Variants in UBE2D2 observed in about 807,000 individuals in gnomAD.
The protein encoded by UBE2D2 is ubiquitin conjugating enzyme E2 D2.
UBE2D2 carries 2 observed loss-of-function variants against 24.2 expected under a neutral mutation model. That is an observed-to-expected ratio of 0.08 (90% confidence interval 0.03 to 0.26). The LOEUF is 0.26. Among genes scored for constraint, UBE2D2 ranks in the 10% least tolerant of loss-of-function variants. The pLI is 1.00. For missense variants in UBE2D2, 44 were observed against 177.6 expected (o/e 0.25, Z 4.28); for synonymous variants, 58 against 56.5 (o/e 1.03, Z -0.12).
chr5:139,574,968 A>C (rs571447367), intron 1 of UBE2D2, among the ~76,000 whole-genome samples: 1 of 152,290 alleles, frequency 6.6e-6, no homozygotes, highest in Non-Finnish European at 1.5e-5. Flanking sequence ...TATTCACAGT[A>C]CCCGATACTT....
At chr5:139,550,969 T>C (rs138534080) in intron 1 of UBE2D2, among the ~76,000 whole-genome samples, 66 of 152,228 alleles carry the variant, frequency 4.3e-4, no homozygotes, top group Admixed American at 9.2e-4. Context: ...CACAGTATCA[T>C]TGTACTACAC....
chr5:139,555,736 G>A (rs1581488155), intron 1 of UBE2D2, among the ~76,000 whole-genome samples: 1 of 151,814 alleles, frequency 6.6e-6, no homozygotes. Context: ...AGATCATCCT[G>A]GCCAACATGG....
upstream of UBE2D2, among the ~76,000 whole-genome samples, chr5:139,558,407 C>G (rs1395778744): frequency 6.6e-6 from 1 of 152,180 alleles, no homozygotes; most frequent in African/African-American, 2.4e-5. Context: ...CCTGCCTCAG[C>G]CTCCTGAGTA....
Position 139,626,803 on chromosome 5 carries a change from T to TA in UBE2D2, c.*5dup. The TA allele has an allele frequency of 1.2e-6, 2 of 1,612,026 alleles. No homozygotes were observed. Among genetic ancestry groups the TA allele is most frequent in the Non-Finnish European group, 1.7e-6 (2 of 1,178,636 alleles). On this transcript the variant is annotated 3_prime_UTR_variant, in exon 7 of 7. Transcript: ENST00000398733. ...TGGACTCAGAAGTATGCGATGTAATTAAAGAAATTATTGGATAACCTCTAC... is the reference window on the plus strand; with the variant it reads ...TGGACTCAGAAGTATGCGATGTAATTAAAAGAAATTATTGGATAACCTCTAC...
intron 1 of UBE2D2, among the ~76,000 whole-genome samples, chr5:139,577,191 T>C (rs926071508): frequency 2.6e-5 from 4 of 152,058 alleles, no homozygotes; most frequent in Non-Finnish European, 5.9e-5. Flanking sequence ...TAACCACCTG[T>C]GCTTTGAAAG....
intron 1 of UBE2D2, among the ~76,000 whole-genome samples, chr5:139,562,863 A>G (rs1341609835): frequency 6.6e-6 from 1 of 152,022 alleles, no homozygotes; most frequent in Non-Finnish European, 1.5e-5. Context: ...GGGAGGCACC[A>G]CTATTAATTT....
chr5:139,533,287 A>G (rs1156487468), intron 1 of UBE2D2, among the ~76,000 whole-genome samples: 3 of 152,024 alleles, frequency 2.0e-5, no homozygotes, highest in African/African-American at 7.2e-5. Context: ...AAAAAAAATC[A>G]TTGAATTGTA....
chr5:139,600,901 C>G (rs1179530972), intron 2 of UBE2D2, among the ~76,000 whole-genome samples: 1 of 152,134 alleles, frequency 6.6e-6, no homozygotes, highest in African/African-American at 2.4e-5. Flanking sequence ...TTCCTGGGTT[C>G]AAGTGATTCT....
At chr5:139,599,577 A>G (rs1209905546) in intron 1 of UBE2D2, 1 of 151,844 alleles carries the variant, frequency 6.6e-6, no homozygotes, top group Admixed American at 6.6e-5. Context: ...TCTACTAAAA[A>G]TACAAAAAGT....
At chr5:139,562,315 G>C (rs761736137) in intron 1 of UBE2D2, 2 of 1,349,352 alleles carry the variant, frequency 1.5e-6, no homozygotes, top group Non-Finnish European at 2.0e-6. Context: ...AGTATATCCT[G>C]AGTTCACTTA....
At chr5:139,551,063 CGGGGGAG>C in intron 1 of UBE2D2, among the ~76,000 whole-genome samples, 1 of 152,050 alleles carries the variant, frequency 6.6e-6, no homozygotes, top group African/African-American at 2.4e-5. Flanking sequence ...ATTTCACCGG[CGGGGGAG>C]GGGGGAGGTC....
chr5:139,564,926 T>C (rs1385344180), intron 1 of UBE2D2, among the ~76,000 whole-genome samples: 8 of 152,226 alleles, frequency 5.3e-5, no homozygotes, highest in African/African-American at 1.9e-4. Flanking sequence ...TAATTTTTTT[T>C]TTCCAAACTC....
At chr5:139,590,382 C>T (rs369138301) in intron 1 of UBE2D2, among the ~76,000 whole-genome samples, 2 of 150,438 alleles carry the variant, frequency 1.3e-5, no homozygotes, top group East Asian at 3.9e-4. Context: ...TTGCAGTGAG[C>T]TGAGATCACA....
intron 1 of UBE2D2, chr5:139,562,387 AGTTC>A: frequency 7.6e-7 from 1 of 1,323,876 alleles, no homozygotes; most frequent in Admixed American, 2.1e-5. Context: ...AAGAGTTGGA[AGTTC>A]AGAAGAAAAA....
At chr5:139,562,422 G>A (rs775148419) in intron 1 of UBE2D2, 7 of 1,301,230 alleles carry the variant, frequency 5.4e-6, no homozygotes, top group Non-Finnish European at 7.0e-6. Context: ...CTTAATGAGG[G>A]AGGAGGGAAG....
chr5:139,614,962 A>C lies in UBE2D2; in HGVS notation c.300A>C (p.Ser100=), dbSNP rs1754390430. The part of the protein sequence containing the change: ...RSQWSPALTI[S]KVLLSICSLL... Reference sequence around the variant, plus strand: ...AGTGGTCTCCAGCACTAACTATTTCAAAAGGTAACAGTGGGTATTTGATAT... The same window carrying C: ...AGTGGTCTCCAGCACTAACTATTTCCAAAGGTAACAGTGGGTATTTGATAT... Residue 100 remains serine (S), a synonymous_variant, in exon 5 of 7, where the codon TCA becomes TCC. Coordinates refer to ENST00000398733, the MANE Select transcript of UBE2D2 (RefSeq NM_003339.3). 3.1e-6 allele frequency: 5 copies of C among 1,611,134 alleles called. No homozygotes were observed. Among genetic ancestry groups the C allele is most frequent in the African/African-American group, 1.3e-5 (1 of 74,940 alleles).
rs1313175302 is a variant in UBE2D2, at chr5:139,623,360, C to T, written c.305-8C>T. On this transcript the variant is annotated splice_region_variant and splice_polypyrimidine_tract_variant and intron_variant, in intron 5 of 6. Transcript: ENST00000398733. ...CTCTGCTAATTTATATGATTTTTTT[C>T]ATTCTAGTACTCTTGTCCATCTGTT... 3 of 1,556,054 alleles carry T rather than the reference C, an allele frequency of 1.9e-6. No individual in the cohort carries two copies. The highest frequency in any genetic ancestry group is 1.2e-5 in the South Asian group (1 of 83,168).
intron 1 of UBE2D2, among the ~76,000 whole-genome samples, chr5:139,578,754 T>A (rs997558089): frequency 6.6e-6 from 1 of 152,092 alleles, no homozygotes; most frequent in Non-Finnish European, 1.5e-5. Context: ...TCTGCTAAAC[T>A]TCTGTTTTGT....
upstream of UBE2D2, among the ~76,000 whole-genome samples, chr5:139,557,855 C>T (rs375631523): frequency 2.4e-4 from 36 of 152,204 alleles, no homozygotes; most frequent in Middle Eastern, 0.01. Flanking sequence ...CTAAGGCACT[C>T]TTAGAGCTGT....
Sources: allele counts gnomAD v4.1 joint callset (sites outside exome capture counted in the v4.1 genomes callset), GRCh38; gene constraint gnomAD v4.1.1; transcripts MANE v1.5; gene names NCBI Gene and HGNC (gene_info 2026-07-23, HGNC 2026-07-21).